VPS35L: variants seen among roughly 807,000 people sequenced by gnomAD.
VPS35L encodes VPS35 endosomal protein-sorting factor-like.
A neutral mutation model predicts 133.0 loss-of-function variants in VPS35L; 83 were observed. The observed-to-expected ratio is 0.62, with a 90% CI of 0.52 to 0.75. The LOEUF is 0.75. VPS35L is among the 30% of genes least tolerant of loss of function. The pLI, the probability that VPS35L is intolerant of heterozygous loss-of-function variation, is 0.00. For missense variants in VPS35L, 1,083 were observed against 1,206.8 expected, an observed-to-expected ratio of 0.90 and a Z score of 1.52; for synonymous variants, 423 against 449.9, an observed-to-expected ratio of 0.94 and a Z score of 0.76.
chr16:19,600,503 C>A (rs1305737900), intron 8 of VPS35L, among the ~76,000 whole-genome samples: 2 of 152,160 alleles, frequency 1.3e-5, no homozygotes, highest in Non-Finnish European at 2.9e-5. Context: ...CACTTTTATG[C>A]TACAGTGGCA....
intron 7 of VPS35L, among the ~76,000 whole-genome samples, chr16:19,588,119 T>C (rs889147424): frequency 2.0e-5 from 3 of 150,120 alleles, no homozygotes; most frequent in Admixed American, 2.0e-4. Context: ...TTGTTTTGAT[T>C]ACTATGGCAT....
chr16:19,627,209 G>C (rs1399528021), intron 15 of VPS35L, among the ~76,000 whole-genome samples: 1 of 151,834 alleles, frequency 6.6e-6, no homozygotes, highest in Non-Finnish European at 1.5e-5. Flanking sequence ...CTTGAACCCG[G>C]GAGGTGGAGG....
chr16:19,632,285 A>G (rs79367107), intron 18 of VPS35L, among the ~76,000 whole-genome samples: 3,994 of 152,276 alleles, frequency 0.026, 92 homozygotes, highest in African/African-American at 0.057. Flanking sequence ...ATTTAATATC[A>G]TCAGTACCAG....
At chr16:19,587,913 C>G (rs1464064046) in intron 7 of VPS35L, among the ~76,000 whole-genome samples, 1 of 149,182 alleles carries the variant, frequency 6.7e-6, no homozygotes, top group Non-Finnish European at 1.5e-5. Context: ...GATTTTCATA[C>G]CTCAGCCTCC....
At chr16:19,585,073 G>A (rs1699460331) in intron 7 of VPS35L, among the ~76,000 whole-genome samples, 1 of 152,138 alleles carries the variant, frequency 6.6e-6, no homozygotes, top group Non-Finnish European at 1.5e-5. Context: ...TTACATGTGG[G>A]TAGTTCGTTC....
chr16:19,590,440 A>C (rs1055715680), intron 7 of VPS35L, among the ~76,000 whole-genome samples: 3 of 152,084 alleles, frequency 2.0e-5, no homozygotes, highest in Non-Finnish European at 4.4e-5. Context: ...CATTGAGGTG[A>C]TGAAGTGTGG....
chr16:19,664,746 A>G (rs540735033), intron 26 of VPS35L, among the ~76,000 whole-genome samples: 1 of 152,104 alleles, frequency 6.6e-6, no homozygotes, highest in South Asian at 2.1e-4. Flanking sequence ...CTAAAAATAC[A>G]AAAATTAGCC....
chr16:19,628,470 C>T (rs183069546), intron 16 of VPS35L, among the ~76,000 whole-genome samples, 167 bp from the exon 17 acceptor site: 1 of 152,314 alleles, frequency 6.6e-6, no homozygotes, highest in African/African-American at 2.4e-5. Flanking sequence ...GTGAGCCTCT[C>T]AGTGTAGCTG....
chr16:19,686,602 A>C (rs1390261005), intron 28 of VPS35L, among the ~76,000 whole-genome samples: 1 of 152,066 alleles, frequency 6.6e-6, no homozygotes, highest in East Asian at 1.9e-4. Context: ...AGATGCAGAG[A>C]TTGTGGGCTA....
At chr16:19,669,667 GTCTC>G (rs949608643) in intron 27 of VPS35L, among the ~76,000 whole-genome samples, 2 of 137,866 alleles carry the variant, frequency 1.5e-5, no homozygotes, top group Admixed American at 1.5e-4. Context: ...CTCTCTTTCT[GTCTC>G]TCTTTTTTTT....
chr16:19,674,053 C>G (rs2151609626), intron 27 of VPS35L, among the ~76,000 whole-genome samples: 1 of 152,172 alleles, frequency 6.6e-6, no homozygotes, highest in Middle Eastern at 3.4e-3. Context: ...TCCTGAATAG[C>G]CAGGGCTAAG....
At chr16:19,659,133 A>G (rs74379290) in intron 26 of VPS35L, among the ~76,000 whole-genome samples, 2,662 of 152,340 alleles carry the variant, frequency 0.017, 35 homozygotes, top group Non-Finnish European at 0.028. Flanking sequence ...TAGGAAACAA[A>G]GAACCAAAAT....
In VPS35L at chr16:19,699,934, C is replaced by T. The variant is rs1976055352; in HGVS notation, c.2793+286C>T. ...GCAACATAGTGAGACCAGGTCTCTACAAAAAATAAAAAATTAGCCGGCCAT... is the reference window on the plus strand; with the variant it reads ...GCAACATAGTGAGACCAGGTCTCTATAAAAAATAAAAAATTAGCCGGCCAT... On this transcript the variant is annotated intron_variant, in intron 30 of 30. Coordinates refer to ENST00000417362, the MANE Select transcript of VPS35L (RefSeq NM_020314.7). The surrounding 1 kb of genome is among the most constrained non-coding windows in gnomAD (Gnocchi z 4.2). Among the ~76,000 whole-genome samples the T allele has an allele frequency of 6.6e-6, 1 of 152,012 alleles. No homozygotes were observed. Among genetic ancestry groups the T allele is most frequent in the Non-Finnish European group, 1.5e-5 (1 of 67,996 alleles).
In VPS35L at chr16:19,699,714, C is replaced by A; in HGVS notation, c.2793+66C>A. On this transcript the variant is annotated intron_variant, in intron 30 of 30. Transcript: ENST00000417362. This position sits in a 1 kb window ranked among gnomAD's most constrained non-coding sequence, Gnocchi z 4.2. The stretch of plus-strand genomic sequence containing the variant: ...CAGTGCACAACCACCCTCAACACAG[C>A]ATTGTGGCCTGGACATCAGACAGAC... 1 of 1,588,092 alleles carries A rather than the reference C, an allele frequency of 6.3e-7. No homozygotes were observed. The highest frequency in any genetic ancestry group is 1.1e-5 in the South Asian group (1 of 90,298).
intron 29 of VPS35L, among the ~76,000 whole-genome samples, chr16:19,692,263 C>T (rs553704824): frequency 7.9e-5 from 12 of 152,292 alleles, no homozygotes; most frequent in Non-Finnish European, 1.2e-4. Context: ...CACCACCCCA[C>T]GTCTCATGCA....
At chr16:19,654,215 G>T (rs1974224518) in intron 26 of VPS35L, among the ~76,000 whole-genome samples, 1 of 152,102 alleles carries the variant, frequency 6.6e-6, no homozygotes, top group African/African-American at 2.4e-5. Flanking sequence ...TCTAGCTAGA[G>T]TAGCCGCCCT....
intron 7 of VPS35L, among the ~76,000 whole-genome samples, chr16:19,582,601 C>T (rs1971744812): frequency 6.6e-6 from 1 of 152,180 alleles, no homozygotes; most frequent in African/African-American, 2.4e-5. Flanking sequence ...CCAGGCCTCT[C>T]ATCCTGGAAG....
At chr16:19,621,980 ATG>A (rs758829029) in intron 14 of VPS35L, among the ~76,000 whole-genome samples, 4 of 151,618 alleles carry the variant, frequency 2.6e-5, no homozygotes, top group Admixed American at 1.3e-4. Context: ...GTATGTGTGC[ATG>A]TGTGTGTGCA....
chr16:19,573,059 G>T (rs1567390637), intron 3 of VPS35L, 60 bp from the exon 4 acceptor site: 4 of 1,530,568 alleles, frequency 2.6e-6, no homozygotes. Context: ...ATTTATATAT[G>T]TATATATTTA....
Sources: gnomAD v4.1 joint callset for allele counts (sites outside exome capture counted in the v4.1 genomes callset) on GRCh38, gnomAD v4.1.1 for gene constraint, Gnocchi (gnomAD v3.1) non-coding constraint, MANE v1.5 for transcripts, NCBI Gene and HGNC (gene_info 2026-07-23, HGNC 2026-07-21) for gene names.